The following DEFB131A variants were observed in gnomAD, a reference collection of about 807,000 sequenced individuals.
The protein encoded by DEFB131A is beta-defensin 131A.
Under a neutral mutation model 2.4 loss-of-function variants are expected in DEFB131A, and 5 were observed. That is an observed-to-expected ratio of 2.12 (90% CI 1.11 to 4.47). The LOEUF (loss-of-function observed/expected upper bound fraction) is 4.47. Among genes scored for constraint, DEFB131A ranks in the 30% most tolerant of loss-of-function variants. DEFB131A has a pLI of 0.00. For synonymous variants in DEFB131A, 34 were observed against 25.7 expected (o/e 1.32, Z -0.97); for missense variants, 120 against 79.9 (o/e 1.50, Z -1.91).
intron 1 of DEFB131A, among the ~76,000 whole-genome samples, chr4:9,447,589 C>G (rs1350429231): frequency 1.3e-5 from 2 of 152,002 alleles, no homozygotes; most frequent in Admixed American, 1.3e-4. Context: ...GCCTTCTTGC[C>G]ATGTCCTCTT....
intron 1 of DEFB131A, among the ~76,000 whole-genome samples, chr4:9,447,225 C>G (rs1302100322): frequency 6.6e-6 from 1 of 152,154 alleles, no homozygotes; most frequent in Non-Finnish European, 1.5e-5. Flanking sequence ...GTGTATCTCT[C>G]TCTTTAGCTC....
At chr4:9,446,492 G>C (rs180867227) in intron 1 of DEFB131A, among the ~76,000 whole-genome samples, 436 of 152,020 alleles carry the variant, frequency 2.9e-3, no homozygotes, top group African/African-American at 9.9e-3. Flanking sequence ...TTTGTTCTTG[G>C]TTAGTCTAGC....
rs1475015824 is a variant in DEFB131A, at chr4:9,444,444, A to G, written c.-90A>G. ...TCCTGAAAGGTTCAATAATCACTCA[A>G]CAACTCACCTCTTCAGAGAACTGAA... On this transcript the variant is annotated 5_prime_UTR_variant, in exon 1 of 2. Coordinates refer to ENST00000334879, the MANE Select transcript of DEFB131A (RefSeq NM_001040448.3). The G allele has an allele frequency of 6.8e-7, 1 of 1,464,292 alleles. No individual in the cohort carries two copies. The highest frequency in any genetic ancestry group is 1.4e-5 in the African/African-American group (1 of 71,454). The allele number at this position is 1,464,292 out of a possible 1,614,324, so 90.7% of individuals were successfully genotyped here.
Position 9,444,567 on chromosome 4 carries a change from T to C in DEFB131A, c.34T>C (p.Ser12Pro), listed in dbSNP as rs370526497. 3.1e-6 allele frequency: 5 copies of C among 1,610,788 alleles called. No individual in the cohort carries two copies. In the East Asian group the frequency reaches 8.9e-5, roughly 29 times the overall value. The change falls in exon 1 of 2, where the codon TCC becomes CCC. Residue 12 changes from serine to proline, a missense_variant. By Grantham distance (74) the Ser-to-Pro change is moderately conservative. Transcript: ENST00000334879. Reference protein sequence around the residue: ...RVLFFVFGVLSLMFTVPPARS... With the variant: ...RVLFFVFGVLPLMFTVPPARS... The stretch of plus-strand genomic sequence containing the variant: ...CTTGTTTTTTGTCTTTGGAGTCCTT[T>C]CCTTGATGTTCACAGTTCCTCCAGG...
At chr4:9,449,553 A>G (rs188340476) in intron 1 of DEFB131A, among the ~76,000 whole-genome samples, 23 of 151,738 alleles carry the variant, frequency 1.5e-4, no homozygotes, top group Admixed American at 7.9e-4. Context: ...CTCAAAATGA[A>G]CTACACATTT....
At chr4:9,445,999 T>G (rs1717484563) in intron 1 of DEFB131A, among the ~76,000 whole-genome samples, 1 of 152,128 alleles carries the variant, frequency 6.6e-6, no homozygotes, top group Non-Finnish European at 1.5e-5. Flanking sequence ...GATTCGTACT[T>G]CATTCCTTCA....
intron 1 of DEFB131A, among the ~76,000 whole-genome samples, chr4:9,449,492 A>G (rs1717596817): frequency 6.6e-6 from 1 of 150,502 alleles, no homozygotes; most frequent in Non-Finnish European, 1.5e-5. Flanking sequence ...GAATATTCAC[A>G]TGCAAAAGAA....
intron 1 of DEFB131A, among the ~76,000 whole-genome samples, chr4:9,448,525 G>C (rs1358702821): frequency 6.6e-6 from 1 of 152,032 alleles, no homozygotes; most frequent in Non-Finnish European, 1.5e-5. Flanking sequence ...GATTCCGCTA[G>C]GTTAGCCAGG....
intron 1 of DEFB131A, among the ~76,000 whole-genome samples, chr4:9,450,044 A>G (rs1717615058): frequency 1.3e-5 from 2 of 152,194 alleles, no homozygotes; most frequent in Non-Finnish European, 2.9e-5. Flanking sequence ...GAAGTTAAAC[A>G]TTATTTCCTG....
At chr4:9,449,797 C>A (rs1717606975) in intron 1 of DEFB131A, among the ~76,000 whole-genome samples, 2 of 152,116 alleles carry the variant, frequency 1.3e-5, no homozygotes, top group African/African-American at 2.4e-5. Flanking sequence ...CGCTGGGAAG[C>A]TGGAACTAAG....
rs1284336779 is a variant in DEFB131A, at chr4:9,450,448, C to T, written c.147C>T (p.Tyr49=). ...ATGCTGATGAACATGCAATTAGATA[C>T]TGTGCTGACTTCAGCATCTGCTGCA... The part of the protein sequence containing the change: ...KCNADEHAIR[Y]CADFSICCKL... Residue 49 remains tyrosine (Y), a synonymous_variant, in exon 2 of 2, where the codon TAC becomes TAT. Transcript: ENST00000334879. 3 of 1,610,840 alleles carry T rather than the reference C, an allele frequency of 1.9e-6. No individual in the cohort carries two copies. Among genetic ancestry groups the T allele is most frequent in the South Asian group, 1.1e-5 (1 of 90,794 alleles).
intron 1 of DEFB131A, among the ~76,000 whole-genome samples, chr4:9,450,116 A>G: frequency 6.6e-6 from 1 of 152,146 alleles, no homozygotes; most frequent in East Asian, 1.9e-4. Context: ...AATATGTGGT[A>G]ATAGTTCTCA....
chr4:9,448,055 G>A (rs1156377853), intron 1 of DEFB131A, among the ~76,000 whole-genome samples: 9 of 151,642 alleles, frequency 5.9e-5, no homozygotes, highest in African/African-American at 7.2e-5. Flanking sequence ...AGATTTTCCC[G>A]AAATTGAAAA....
chr4:9,446,428 C>T (rs1297760204), intron 1 of DEFB131A, among the ~76,000 whole-genome samples: 2 of 152,008 alleles, frequency 1.3e-5, no homozygotes, highest in Non-Finnish European at 2.9e-5. Flanking sequence ...TCTTTTATAT[C>T]AGTTGTAATG....
chr4:9,444,730 T>G, intron 1 of DEFB131A, 139 bp downstream of exon 1: 3 of 826,274 alleles, frequency 3.6e-6, no homozygotes, highest in Non-Finnish European at 5.6e-6. Context: ...ATTGAAGAGT[T>G]GATACTAAAG....
chr4:9,450,140 G>C (rs757716689), intron 1 of DEFB131A, among the ~76,000 whole-genome samples: 2 of 152,130 alleles, frequency 1.3e-5, no homozygotes, highest in African/African-American at 4.8e-5. Flanking sequence ...AAAATTCTGT[G>C]CATTTCCAGC....
chr4:9,450,611 A>C lies in DEFB131A; in HGVS notation c.*97A>C, dbSNP rs1717638486. On this transcript the variant is annotated 3_prime_UTR_variant, in exon 2 of 2. Coordinates refer to ENST00000334879, the MANE Select transcript of DEFB131A (RefSeq NM_001040448.3). ...TAACATGATAGATGAAAATTATTAT[A>C]ATTGCATGTTTAGATGGTCAGGTGA... 1 of 1,460,836 alleles carries C rather than the reference A, an allele frequency of 6.8e-7. No homozygotes were observed. Among genetic ancestry groups the C allele is most frequent in the South Asian group, 1.3e-5 (1 of 76,446 alleles). The allele number at this position is 1,460,836 out of a possible 1,614,324, so 90.5% of individuals were successfully genotyped here. A position where few individuals can be genotyped will look rare whatever the true frequency, so the allele number is the denominator to read the frequency against.
chr4:9,449,051 A>C (rs1292580865), intron 1 of DEFB131A, among the ~76,000 whole-genome samples: 1 of 151,974 alleles, frequency 6.6e-6, no homozygotes, highest in African/African-American at 2.4e-5. Context: ...CACTAACAAC[A>C]AGCACTGGAA....
intron 1 of DEFB131A, among the ~76,000 whole-genome samples, chr4:9,447,672 T>C (rs1309705484): frequency 1.3e-5 from 2 of 150,580 alleles, no homozygotes; most frequent in African/African-American, 2.5e-5. Flanking sequence ...CCATATTGCA[T>C]GAGGGCCATA....
Sources: gnomAD v4.1 joint callset for allele counts (sites outside exome capture counted in the v4.1 genomes callset) on GRCh38, gnomAD v4.1.1 for gene constraint, MANE v1.5 for transcripts, NCBI Gene and HGNC (gene_info 2026-07-23, HGNC 2026-07-21) for gene names.